MRTFB: variants seen among roughly 807,000 people sequenced by gnomAD.
The protein encoded by MRTFB is myocardin related transcription factor B.
Under a neutral mutation model 104.2 loss-of-function variants are expected in MRTFB, and 29 were observed. That is an observed-to-expected ratio of 0.28 (90% confidence interval 0.21 to 0.38). MRTFB has a LOEUF of 0.38. MRTFB is among the 10% of genes least tolerant of loss of function. The pLI, the probability that MRTFB is intolerant of heterozygous loss-of-function variation, is 1.00. For missense variants in MRTFB, 1,270 were observed against 1,341.6 expected (o/e 0.95, Z 0.83); for synonymous variants, 535 against 519.5 (o/e 1.03, Z -0.41).
At chr16:14,096,360 C>T (rs537556001) in intron 2 of MRTFB, among the ~76,000 whole-genome samples, 2 of 152,270 alleles carry the variant, frequency 1.3e-5, no homozygotes, top group Non-Finnish European at 2.9e-5. Context: ...GTGTGACTCA[C>T]TGTGCCTGGC....
At chr16:14,200,084 G>A in intron 3 of MRTFB, 1 of 542,456 alleles carries the variant, frequency 1.8e-6, no homozygotes, top group East Asian at 3.3e-5. Flanking sequence ...CCATTTGGAA[G>A]GCAAAGTGAC....
At chr16:14,258,500 T>C (rs931128434) in intron 16 of MRTFB, among the ~76,000 whole-genome samples, 2 of 152,000 alleles carry the variant, frequency 1.3e-5, no homozygotes, top group African/African-American at 4.8e-5. Flanking sequence ...GAAGTTGAGG[T>C]AGGAAGATTG....
At chr16:14,014,243 T>C in the MRTFB span, among the ~76,000 whole-genome samples, 2 of 152,288 alleles carry the variant, frequency 1.3e-5, no homozygotes, top group East Asian at 3.9e-4. Context: ...ATTTCAGTCC[T>C]GATAATATCA....
At chr16:14,018,511 A>G in the MRTFB span, among the ~76,000 whole-genome samples, 1 of 152,210 alleles carries the variant, frequency 6.6e-6, no homozygotes, top group South Asian at 2.1e-4. Flanking sequence ...CTTCTGGACT[A>G]CGTATTATTC....
the MRTFB span, among the ~76,000 whole-genome samples, chr16:14,017,060 T>C: frequency 2.0e-5 from 3 of 148,340 alleles, no homozygotes; most frequent in South Asian, 2.1e-4. Context: ...CTTCTTCTTT[T>C]TTTTTTTTTT....
intron 3 of MRTFB, chr16:14,186,708 G>A (rs1381595060): frequency 3.6e-6 from 5 of 1,389,614 alleles, no homozygotes; most frequent in African/African-American, 1.5e-5. Flanking sequence ...GGCTTCCAGC[G>A]GCATGAGTGT....
chr16:14,249,771 T>C (rs1361597610), intron 13 of MRTFB, among the ~76,000 whole-genome samples: 2 of 152,216 alleles, frequency 1.3e-5, no homozygotes, highest in African/African-American at 4.8e-5. Flanking sequence ...GCCTCAAAAA[T>C]AGGTCTTACT....
Position 14,129,119 on chromosome 16 carries a change from C to T in MRTFB, c.-63-11425C>T, listed in dbSNP as rs767894706. 3.9e-5 allele frequency among the ~76,000 whole-genome samples: 6 copies of T among 152,324 alleles called. No individual in the cohort carries two copies. The South Asian group carries it at 1.2e-3, about 32-fold the overall frequency. On this transcript the variant is annotated intron_variant, in intron 2 of 16. Coordinates refer to ENST00000571589, the MANE Select transcript of MRTFB (RefSeq NM_001308142.2). ...ATTCCTCTTATTACTCAGTAGTATT[C>T]CATTGGATGCATGTGCCATAGTTGT...
chr16:14,162,853 A>C (rs940331013), intron 3 of MRTFB, among the ~76,000 whole-genome samples: 1 of 152,208 alleles, frequency 6.6e-6, no homozygotes, highest in African/African-American at 2.4e-5. Context: ...TATACTTATG[A>C]TGTGTACCTT....
At chr16:14,212,470 A>T in intron 5 of MRTFB, 61 bp downstream of exon 5, 1 of 1,486,426 alleles carries the variant, frequency 6.7e-7, no homozygotes, top group Non-Finnish European at 9.4e-7. Context: ...CTTCTAAAAT[A>T]CCTGTGTACA....
chr16:14,186,956 G>C, intron 3 of MRTFB: 1 of 1,598,238 alleles, frequency 6.3e-7, no homozygotes, highest in Non-Finnish European at 8.5e-7. Flanking sequence ...GCTTCCCAGA[G>C]ATTTTAACTG....
the MRTFB span, among the ~76,000 whole-genome samples, chr16:14,045,597 A>G: frequency 6.6e-6 from 1 of 152,262 alleles, no homozygotes; most frequent in South Asian, 2.1e-4. Flanking sequence ...GGGAAAGACC[A>G]AAAGAATAGA....
chr16:14,261,370 C>T lies in MRTFB; in HGVS notation c.3226C>T (p.Leu1076Phe). ...CAACTCCTCTTCAGGACTCACTCCT[C>T]TCAGCACCACCGCGCCGAGCATGTT... ...MPNSSSGLTP[L>F]STTAPSMFSA... Residue 1076 changes from leucine to phenylalanine, a missense_variant, in exon 17 of 17, where the codon CTC (leucine) becomes TTC (phenylalanine). By Grantham distance (22) the Leu-to-Phe change is conservative. This residue lies in a region of MRTFB where 1,144 missense variants were observed against 1,131.5 expected (regional missense o/e 1.01). Transcript: ENST00000571589. 2 of 1,614,172 alleles carry T rather than the reference C, an allele frequency of 1.2e-6. No individual in the cohort carries two copies. Among genetic ancestry groups the T allele is most frequent in the East Asian group, 2.2e-5 (1 of 44,884 alleles).
chr16:14,070,590 A>G (rs980977090), upstream of MRTFB, among the ~76,000 whole-genome samples: 3 of 152,242 alleles, frequency 2.0e-5, no homozygotes, highest in Non-Finnish European at 4.4e-5. Context: ...GGAAGTTTGT[A>G]AAGTGAGGGA....
At chr16:14,208,800 C>A (rs2041063402) in intron 3 of MRTFB, among the ~76,000 whole-genome samples, 1 of 152,174 alleles carries the variant, frequency 6.6e-6, no homozygotes, top group Non-Finnish European at 1.5e-5. Context: ...AAAGATCTTT[C>A]TGTTAGCGCA....
At chr16:14,248,660 C>T in intron 12 of MRTFB, 1 of 339,140 alleles carries the variant, frequency 2.9e-6, no homozygotes, top group Non-Finnish European at 5.4e-6. Flanking sequence ...CTTATTATTT[C>T]CATTTCCATT....
chr16:14,135,110 G>T (rs971724092), intron 2 of MRTFB, among the ~76,000 whole-genome samples: 3 of 152,140 alleles, frequency 2.0e-5, no homozygotes, highest in Non-Finnish European at 4.4e-5. Context: ...CAGCGTTCTG[G>T]CCTTGGGGAC....
chr16:14,038,852 A>G, the MRTFB span, among the ~76,000 whole-genome samples: 2 of 152,344 alleles, frequency 1.3e-5, no homozygotes, highest in Middle Eastern at 3.4e-3. Flanking sequence ...ACAGTTCCAC[A>G]TGGCTGGGGA....
chr16:14,080,004 G>A lies in MRTFB; in HGVS notation c.-64+650G>A, dbSNP rs201014176. The stretch of plus-strand genomic sequence containing the variant: ...ATCTCTGCGGGAATTGGAAAGATAC[G>A]CGTAATCCTACATGATCATTTTACT... On this transcript the variant is annotated intron_variant, in intron 2 of 16. Transcript: ENST00000571589. 1.8e-4 allele frequency among the ~76,000 whole-genome samples: 27 copies of A among 152,234 alleles called. No individual in the cohort carries two copies. In the East Asian group the frequency reaches 3.9e-3, roughly 22 times the overall value.
Sources: allele counts gnomAD v4.1 joint callset (sites outside exome capture counted in the v4.1 genomes callset), GRCh38; gene constraint gnomAD v4.1.1; regional missense constraint gnomAD v4.1.1; transcripts MANE v1.5; gene names NCBI Gene and HGNC (gene_info 2026-07-23, HGNC 2026-07-21).